Variants in PRKD1 observed in about 807,000 individuals in gnomAD.
The protein encoded by PRKD1 is serine/threonine-protein kinase D1.
A neutral mutation model predicts 95.9 loss-of-function variants in PRKD1; 63 were observed. The observed-to-expected ratio is 0.66, with a 90% confidence interval of 0.54 to 0.81. The LOEUF (loss-of-function observed/expected upper bound fraction) is 0.81. PRKD1 is among the 30% of genes least tolerant of loss of function. The pLI, the probability that PRKD1 is intolerant of heterozygous loss-of-function variation, is 0.00. For missense variants in PRKD1, 1,048 were observed against 1,165.3 expected (o/e 0.90, Z 1.47); for synonymous variants, 425 against 423.1 (o/e 1.00, Z -0.05).
intron 2 of PRKD1, among the ~76,000 whole-genome samples, chr14:29,692,028 A>C (rs1321823390): frequency 6.6e-6 from 1 of 152,188 alleles, no homozygotes; most frequent in Non-Finnish European, 1.5e-5. Flanking sequence ...GTAGCATATT[A>C]AACTTTCATG....
chr14:29,715,931 A>G (rs1885584771), intron 2 of PRKD1, among the ~76,000 whole-genome samples: 1 of 152,200 alleles, frequency 6.6e-6, no homozygotes, highest in Admixed American at 6.5e-5. Context: ...AAAAATAACA[A>G]GCTAATGCCT....
chr14:29,705,933 T>A (rs1239168497), intron 2 of PRKD1, among the ~76,000 whole-genome samples: 1 of 152,166 alleles, frequency 6.6e-6, no homozygotes, highest in African/African-American at 2.4e-5. Context: ...AATATTTGTG[T>A]ATAAACTTTT....
At chr14:29,846,181 G>C (rs1039581752) in intron 1 of PRKD1, among the ~76,000 whole-genome samples, 1 of 152,016 alleles carries the variant, frequency 6.6e-6, no homozygotes, top group African/African-American at 2.4e-5. Context: ...TAGGCCCTGA[G>C]GATACAGGTA....
At chr14:29,925,050 CT>C (rs1895248609) in intron 1 of PRKD1, among the ~76,000 whole-genome samples, 1 of 152,096 alleles carries the variant, frequency 6.6e-6, no homozygotes, top group South Asian at 2.1e-4. Context: ...CTAACCCCAA[CT>C]TTTTTATAAC....
intron 2 of PRKD1, among the ~76,000 whole-genome samples, chr14:29,712,238 CT>C (rs903667214): frequency 1.3e-4 from 19 of 151,914 alleles, no homozygotes; most frequent in Non-Finnish European, 2.5e-4. Flanking sequence ...GGAGAAAATT[CT>C]TTTTTTTCTC....
At chr14:29,690,527 G>A (rs764096949) in intron 2 of PRKD1, among the ~76,000 whole-genome samples, 2 of 152,086 alleles carry the variant, frequency 1.3e-5, no homozygotes, top group Non-Finnish European at 2.9e-5. Context: ...CTCTGCTTCT[G>A]TGAATAAAGC....
chr14:29,826,690 C>T (rs111206227), intron 1 of PRKD1, among the ~76,000 whole-genome samples: 16,100 of 34,282 alleles, frequency 0.47, 4,520 homozygotes, highest in Non-Finnish European at 0.51. Context: ...TATATACACA[C>T]ATATATATAC....
intron 1 of PRKD1, among the ~76,000 whole-genome samples, chr14:29,728,600 T>C (rs1474666899): frequency 6.6e-6 from 1 of 152,184 alleles, no homozygotes; most frequent in Non-Finnish European, 1.5e-5. Flanking sequence ...ATACATACAT[T>C]TGGGTTCTTT....
chr14:29,807,879 G>T (rs944400038), intron 1 of PRKD1, among the ~76,000 whole-genome samples: 1 of 151,732 alleles, frequency 6.6e-6, no homozygotes, highest in East Asian at 1.9e-4. Flanking sequence ...GTGCCACCAA[G>T]ACTGGCTAAT....
chr14:29,848,752 C>A (rs1028238490), intron 1 of PRKD1, among the ~76,000 whole-genome samples: 3 of 151,636 alleles, frequency 2.0e-5, no homozygotes, highest in Admixed American at 2.0e-4. Flanking sequence ...CTGCAAAAAA[C>A]ACCTGATGAC....
At chr14:29,722,735 G>A (rs995414975) in intron 2 of PRKD1, among the ~76,000 whole-genome samples, 2 of 152,082 alleles carry the variant, frequency 1.3e-5, no homozygotes, top group Non-Finnish European at 2.9e-5. Context: ...TATGTGGCTC[G>A]GGAAAAGAAT....
intron 1 of PRKD1, among the ~76,000 whole-genome samples, chr14:29,726,346 G>A (rs1238216816): frequency 6.6e-6 from 1 of 152,028 alleles, no homozygotes; most frequent in Non-Finnish European, 1.5e-5. Flanking sequence ...TTCTGTTAAA[G>A]CAAACAACCT....
At chr14:29,741,227 A>G (rs1379813858) in intron 1 of PRKD1, among the ~76,000 whole-genome samples, 1 of 152,192 alleles carries the variant, frequency 6.6e-6, no homozygotes, top group African/African-American at 2.4e-5. Context: ...GTTTACCTAT[A>G]TAACAAATCT....
chr14:29,701,006 A>ACACACACACACACACACCCC (rs1555337080), intron 2 of PRKD1, among the ~76,000 whole-genome samples: 1 of 50,668 alleles, frequency 2.0e-5, no homozygotes, highest in African/African-American at 1.1e-4. Flanking sequence ...ACACACACAC[A>ACACACACACACACACACCCC]CCCTGTTGTG....
At position 29,743,607 on chromosome 14, in the gene PRKD1, A is replaced by G. The variant is rs1272106400; in HGVS notation, c.265-17933T>C. On this transcript the variant is annotated intron_variant, in intron 1 of 17. Transcript: ENST00000331968. ...CAATCAAAATTCAGATTGCAGACAA[A>G]ACATTCAAGATATATTGCACTTCAG... Among the ~76,000 whole-genome samples the G allele has an allele frequency of 2.0e-5, 3 of 152,310 alleles. No individual in the cohort carries two copies. The East Asian group carries it at 5.8e-4, about 29-fold the overall frequency.
intron 2 of PRKD1, among the ~76,000 whole-genome samples, chr14:29,690,359 C>A (rs61977999): frequency 0.069 from 10,532 of 152,252 alleles, 525 homozygotes; most frequent in Non-Finnish European, 0.11. Context: ...AATTCAACAA[C>A]TTCTCTAAAC....
At chr14:29,670,648 G>T (rs1372298467) in intron 2 of PRKD1, among the ~76,000 whole-genome samples, 1 of 152,076 alleles carries the variant, frequency 6.6e-6, no homozygotes, top group Non-Finnish European at 1.5e-5. Context: ...TGTGGCCCAG[G>T]TGTGTGAGTG....
chr14:29,765,786 C>A (rs139920099), intron 1 of PRKD1, among the ~76,000 whole-genome samples: 2 of 152,036 alleles, frequency 1.3e-5, no homozygotes, highest in East Asian at 3.9e-4. Flanking sequence ...ATCTACAGTA[C>A]GATTCCTTTT....
chr14:29,815,519 A>C (rs1443083255), intron 1 of PRKD1, among the ~76,000 whole-genome samples: 1 of 152,222 alleles, frequency 6.6e-6, no homozygotes, highest in Non-Finnish European at 1.5e-5. Context: ...TATTGATAGT[A>C]GTCTAACCGT....
Sources: gnomAD v4.1 joint callset for allele counts (sites outside exome capture counted in the v4.1 genomes callset) on GRCh38, gnomAD v4.1.1 for gene constraint, MANE v1.5 for transcripts, NCBI Gene and HGNC (gene_info 2026-07-23, HGNC 2026-07-21) for gene names.